RSPO1: variants seen among roughly 807,000 people sequenced by gnomAD.
RSPO1 encodes R-spondin-1.
RSPO1 carries 18 observed loss-of-function variants against 26.0 expected under a neutral mutation model. The observed-to-expected ratio is 0.69, with a 90% CI of 0.48 to 1.03. The LOEUF (loss-of-function observed/expected upper bound fraction) is 1.03, where lower values mean the gene tolerates loss of function less well. RSPO1 is among the 50% of genes least tolerant of loss of function. RSPO1 has a pLI of 0.00. For synonymous variants in RSPO1, 133 were observed against 137.4 expected, an observed-to-expected ratio of 0.97 and a Z score of 0.22; for missense variants, 309 against 352.3, an observed-to-expected ratio of 0.88 and a Z score of 0.98.
In RSPO1 at chr1:37,611,809, A is replaced by G. The variant is rs1352875026; in HGVS notation, c.*946T>C. The stretch of plus-strand genomic sequence containing the variant: ...TCTCCCGTCCTTTAAGGGGAATTAC[A>G]GCAGCACTTCTCAAATTTGGGTAAC... On this transcript the variant is annotated 3_prime_UTR_variant, in exon 7 of 7. Coordinates refer to ENST00000356545, the MANE Select transcript of RSPO1 (RefSeq NM_001242908.2). 1 of 140,506 alleles carries G rather than the reference A, an allele frequency of 7.1e-6. No individual in the cohort carries two copies. 8.7% of individuals were successfully genotyped at this position (140,506 alleles called of 1,614,324 possible). A position where few individuals can be genotyped will look rare whatever the true frequency, so the allele number is the denominator to read the frequency against.
At chr1:37,614,744 A>G (rs1226569644) in intron 4 of RSPO1, among the ~76,000 whole-genome samples, 3 of 152,220 alleles carry the variant, frequency 2.0e-5, no homozygotes, top group Non-Finnish European at 4.4e-5. Flanking sequence ...AGTTGAACTG[A>G]GGGACAGAAT....
In RSPO1 at chr1:37,616,495, T is replaced by C. The variant is rs886784239; in HGVS notation, c.275A>G (p.Asn92Ser). The C allele has an allele frequency of 6.2e-7, 1 of 1,614,136 alleles. No individual in the cohort carries two copies. Among genetic ancestry groups the C allele is most frequent in the Non-Finnish European group, 8.5e-7 (1 of 1,180,006 alleles). Residue 92 changes from asparagine to serine, a missense_variant, in exon 4 of 7, where the codon AAC becomes AGC. Transcript: ENST00000356545. ...GYFDARNPDM[N>S]KCIKCKIEHC... ...CTGCCCACACTCACTGATGCACTTG[T>C]TCATGTCGGGGTTGCGGGCGTCGAA...
intron 1 of RSPO1, 109 bp from the exon 2 acceptor site, chr1:37,632,462 A>G (rs1360657427): frequency 2.6e-5 from 4 of 151,444 alleles, no homozygotes; most frequent in Non-Finnish European, 5.9e-5. Context: ...GAAAATGTAC[A>G]TATAGAATCA....
intron 3 of RSPO1, among the ~76,000 whole-genome samples, chr1:37,619,595 A>T (rs1240485974): frequency 6.6e-6 from 1 of 152,224 alleles, no homozygotes; most frequent in African/African-American, 2.4e-5. Flanking sequence ...ACAATAACAC[A>T]GTAATAACCA....
chr1:37,611,598 G>A lies in RSPO1; in HGVS notation c.*1157C>T, dbSNP rs1405566182. ...GGCACACACTTCAGAATGCCACAAG[G>A]AGTTATTCCATCCACTGCCCTGCCT... is the stretch of plus-strand genomic sequence containing the variant. On this transcript the variant is annotated 3_prime_UTR_variant, in exon 7 of 7. Transcript: ENST00000356545. 1 of 152,368 alleles carries A rather than the reference G, an allele frequency of 6.6e-6. No homozygotes were observed. The highest frequency in any genetic ancestry group is 1.5e-5 in the Non-Finnish European group (1 of 68,184). 9.4% of individuals were successfully genotyped at this position (152,368 alleles called of 1,614,324 possible).
chr1:37,623,515 G>C (rs1319850819), intron 3 of RSPO1, among the ~76,000 whole-genome samples: 1 of 152,038 alleles, frequency 6.6e-6, no homozygotes, highest in Admixed American at 6.5e-5. Flanking sequence ...AAGCCTAGGG[G>C]AGGAGGGTGT....
At chr1:37,616,370 C>G in intron 4 of RSPO1, 114 bp downstream of exon 4, 1 of 926,186 alleles carries the variant, frequency 1.1e-6, no homozygotes, top group South Asian at 1.5e-5. Context: ...AGCCTCATCT[C>G]CTCTCCTCAG....
chr1:37,614,093 C>T, intron 5 of RSPO1, 91 bp downstream of exon 5: 1 of 1,472,636 alleles, frequency 6.8e-7, no homozygotes, highest in South Asian at 1.2e-5. Context: ...CTGCACAGTG[C>T]CCCAGCCCAC....
chr1:37,632,457 T>A lies in RSPO1; in HGVS notation c.-355-104A>T, dbSNP rs4653308. 5 of 152,310 alleles carry A rather than the reference T, an allele frequency of 3.3e-5. No homozygotes were observed. In the East Asian group the frequency reaches 9.6e-4, roughly 29 times the overall value. 9.4% of individuals were successfully genotyped at this position (152,310 alleles called of 1,614,324 possible). Reference sequence around the variant, plus strand: ...AAGAGTTGCAAGCACTTTTTGAAAATGTACATATAGAATCAACCCTGTAAA... The same window carrying A: ...AAGAGTTGCAAGCACTTTTTGAAAAAGTACATATAGAATCAACCCTGTAAA... On this transcript the variant is annotated intron_variant, in intron 1 of 6. Coordinates refer to ENST00000356545, the MANE Select transcript of RSPO1 (RefSeq NM_001242908.2).
chr1:37,630,241 G>A (rs1394370291), intron 2 of RSPO1, among the ~76,000 whole-genome samples: 1 of 152,174 alleles, frequency 6.6e-6, no homozygotes, highest in Non-Finnish European at 1.5e-5. Context: ...CCTGCTTCAT[G>A]TTGTCCAGCT....
intron 3 of RSPO1, among the ~76,000 whole-genome samples, chr1:37,618,931 C>T (rs977676416): frequency 6.6e-6 from 1 of 152,076 alleles, no homozygotes; most frequent in Non-Finnish European, 1.5e-5. Flanking sequence ...GCAACAAGAG[C>T]CAGGCAGCGG....
At chr1:37,622,173 G>A (rs1287824822) in intron 3 of RSPO1, among the ~76,000 whole-genome samples, 1 of 152,212 alleles carries the variant, frequency 6.6e-6, no homozygotes, top group African/African-American at 2.4e-5. Flanking sequence ...GGAGCCCAGA[G>A]AAGAGTACAC....
chr1:37,617,331 T>C (rs1468028776), intron 3 of RSPO1, among the ~76,000 whole-genome samples: 1 of 152,102 alleles, frequency 6.6e-6, no homozygotes, highest in East Asian at 1.9e-4. Flanking sequence ...TCCAAAATGT[T>C]AATGACACTG....
intron 3 of RSPO1, among the ~76,000 whole-genome samples, chr1:37,625,504 G>A (rs1644262036): frequency 6.6e-6 from 1 of 152,088 alleles, no homozygotes; most frequent in South Asian, 2.1e-4. Flanking sequence ...CCTGAGTTCA[G>A]TTGGCGAGGG....
intron 3 of RSPO1, among the ~76,000 whole-genome samples, chr1:37,626,987 A>G (rs1365099272): frequency 6.6e-6 from 1 of 152,108 alleles, no homozygotes; most frequent in Non-Finnish European, 1.5e-5. Flanking sequence ...AGGGGACTTC[A>G]CCACTCACAG....
At chr1:37,617,688 A>AAAAAG (rs1553120745) in intron 3 of RSPO1, among the ~76,000 whole-genome samples, 12 of 136,620 alleles carry the variant, frequency 8.8e-5, no homozygotes, top group East Asian at 6.7e-4. Flanking sequence ...AAAAAAAAAA[A>AAAAAG]AGAGAGAACC....
intron 4 of RSPO1, 40 bp from the exon 5 acceptor site, chr1:37,614,373 G>T: frequency 6.2e-7 from 1 of 1,612,030 alleles, no homozygotes; most frequent in Non-Finnish European, 8.5e-7. Flanking sequence ...GCCCAGCCTG[G>T]TGAGAATGTT....
Position 37,623,560 on chromosome 1 carries a change from G to A in RSPO1, c.94+6008C>T, listed in dbSNP as rs185962682. 3.1e-4 allele frequency among the ~76,000 whole-genome samples: 47 copies of A among 152,062 alleles called. No homozygotes were observed. In the South Asian group the frequency reaches 4.4e-3, roughly 14 times the overall value. ...GAGGAACAGCCAGTGCAAAGCCTCC[G>A]AGGCACTGAATATCCTGGATCGACC... On this transcript the variant is annotated intron_variant, in intron 3 of 6. Transcript: ENST00000356545.
rs199693756 is a variant in RSPO1, at chr1:37,616,618, T to C, written c.152A>G (p.Asn51Ser). ...AKGCELCSEVNGCLKCSPKLF... is the reference protein window; with the variant it reads ...AKGCELCSEVSGCLKCSPKLF... ...CTTGGGTGAGCACTTGAGGCAGCCGTTGACTTCAGAGCAGAGCTCACAGCC... is the reference window on the plus strand; with the variant it reads ...CTTGGGTGAGCACTTGAGGCAGCCGCTGACTTCAGAGCAGAGCTCACAGCC... The change falls in exon 4 of 7, where the codon AAC (asparagine) becomes AGC (serine). Residue 51 changes from asparagine (N) to serine (S), a missense_variant. By Grantham distance (46) the Asn-to-Ser change is conservative (BLOSUM62 1). Transcript: ENST00000356545. 5 of 1,614,130 alleles carry C rather than the reference T, an allele frequency of 3.1e-6. No individual in the cohort carries two copies. The African/African-American group carries it at 5.3e-5, about 17-fold the overall frequency.
Sources: gnomAD v4.1 joint callset for allele counts (sites outside exome capture counted in the v4.1 genomes callset) on GRCh38, gnomAD v4.1.1 for gene constraint, MANE v1.5 for transcripts, NCBI Gene and HGNC (gene_info 2026-07-23, HGNC 2026-07-21) for gene names.